TLE2: variants seen among roughly 807,000 people sequenced by gnomAD.
The protein encoded by TLE2 is transducin-like enhancer protein 2.
In TLE2, 74 loss-of-function variants were observed where a neutral mutation model predicts 97.2. The observed-to-expected ratio is 0.76, with a 90% CI of 0.63 to 0.92. TLE2 has a LOEUF of 0.92. TLE2 is among the 40% of genes least tolerant of loss of function. The pLI is 0.00. For missense variants in TLE2, 1,038 were observed against 1,008.7 expected (o/e 1.03, Z -0.39); for synonymous variants, 499 against 432.1 (o/e 1.15, Z -1.92).
upstream of TLE2, among the ~76,000 whole-genome samples, chr19:3,046,931 T>TCCCCCTCCTCC (rs1247386481): frequency 1.6e-3 from 115 of 71,422 alleles, no homozygotes; most frequent in Admixed American, 5.1e-3. Flanking sequence ...CCCCCTCCTC[T>TCCCCCTCCTCC]GCCTCCCCCT....
At chr19:3,022,737 G>A (rs2089869139) in intron 5 of TLE2, among the ~76,000 whole-genome samples, 1 of 152,092 alleles carries the variant, frequency 6.6e-6, no homozygotes, top group African/African-American at 2.4e-5. Flanking sequence ...GGAGGTATCA[G>A]GATGCGGATA....
Position 3,028,875 on chromosome 19 carries a change from A to C in TLE2, c.24+6T>G. 6.2e-7 allele frequency: 1 copy of C among 1,610,830 alleles called. No individual in the cohort carries two copies. The highest frequency in any genetic ancestry group is 8.5e-7 in the Non-Finnish European group (1 of 1,179,598). ...TGGGGGCCCCCTCCCCGCAGTCCGC[A>C]CTCACCGGGTGCCTTCCCTGGGGGT... On this transcript the variant is annotated splice_donor_region_variant and intron_variant, in intron 1 of 19. Coordinates refer to ENST00000262953, the MANE Select transcript of TLE2 (RefSeq NM_003260.5).
In TLE2 at chr19:3,005,485, C is replaced by G; in HGVS notation, c.1848G>C (p.Trp616Cys). Reference sequence around the variant, plus strand: ...GCAGCTGGCGGCCCTCCCGCAGGTCCCAGCAGCGCACCGTGTTGTCCAGGC... The same window carrying G: ...GCAGCTGGCGGCCCTCCCGCAGGTCGCAGCAGCGCACCGTGTTGTCCAGGC... ...TGGLDNTVRC[W>C]DLREGRQLQQ... is the part of the protein sequence containing the mutation. Residue 616 changes from tryptophan (W) to cysteine (C), a missense_variant, in exon 17 of 20, where the codon TGG (tryptophan) becomes TGC (cysteine). Coordinates refer to ENST00000262953, the MANE Select transcript of TLE2 (RefSeq NM_003260.5). The G allele has an allele frequency of 1.2e-6, 2 of 1,613,840 alleles. No homozygotes were observed. The highest frequency in any genetic ancestry group is 1.7e-6 in the Non-Finnish European group (2 of 1,179,804).
At position 3,005,905 on chromosome 19, in the gene TLE2, C is replaced by T. The variant is rs768649883; in HGVS notation, c.1564G>A (p.Gly522Ser). Residue 522 changes from glycine to serine, a missense_variant, in exon 16 of 20, where the codon GGT becomes AGT. Physicochemically the swap from Gly to Ser is moderately conservative, Grantham distance 56. Coordinates refer to ENST00000262953, the MANE Select transcript of TLE2 (RefSeq NM_003260.5). ...LPDGRSLIVG[G>S]EASTLSIWDL... ...CAAATGGACAAGGTGCTGGCCTCAC[C>T]GCCCACGATCAGACTCCGGCCATCC... The T allele has an allele frequency of 2.0e-5, 32 of 1,613,372 alleles. No homozygotes were observed. The Admixed American group carries it at 2.0e-4, about 10-fold the overall frequency.
At position 3,013,736 on chromosome 19, in the gene TLE2, A is replaced by G. The variant is rs765038263; in HGVS notation, c.806T>C (p.Val269Ala). The G allele has an allele frequency of 6.4e-7, 1 of 1,562,446 alleles. No individual in the cohort carries two copies. Among genetic ancestry groups the G allele is most frequent in the Admixed American group, 1.9e-5 (1 of 52,972 alleles). Reference sequence around the variant, plus strand: ...AGAGGCCAAGGAGGCTGGACTGTCCACCAGGTCCCGACGGGCAGGAATGCA... The same window carrying G: ...AGAGGCCAAGGAGGCTGGACTGTCCGCCAGGTCCCGACGGGCAGGAATGCA... ...PICIPARRDL[V>A]DSPASLASSL... is the part of the protein sequence containing the mutation. The change falls in exon 11 of 20, where the codon GTG (valine) becomes GCG (alanine). Residue 269 changes from valine (V) to alanine (A), a missense_variant. Coordinates refer to ENST00000262953, the MANE Select transcript of TLE2 (RefSeq NM_003260.5).
chr19:3,014,466 G>A, intron 10 of TLE2, 104 bp downstream of exon 10: 10 of 1,140,350 alleles, frequency 8.8e-6, no homozygotes, highest in Non-Finnish European at 1.2e-5. Flanking sequence ...GTCCCACAGA[G>A]CGGGGAACCA....
intron 15 of TLE2, 145 bp from the exon 16 acceptor site, chr19:3,006,113 C>G (rs368808722): frequency 9.2e-7 from 1 of 1,086,522 alleles, no homozygotes; most frequent in Non-Finnish European, 1.4e-6. Flanking sequence ...TGGTGAGCCC[C>G]GCCCCTTTGA....
At chr19:3,025,923 T>C (rs2089935616) in intron 4 of TLE2, among the ~76,000 whole-genome samples, 1 of 152,164 alleles carries the variant, frequency 6.6e-6, no homozygotes, top group Middle Eastern at 3.4e-3. Context: ...CAGGAAAGCA[T>C]GCCAGGGTGG....
At chr19:3,008,608 G>A (rs371848406) in intron 14 of TLE2, among the ~76,000 whole-genome samples, 2 of 152,054 alleles carry the variant, frequency 1.3e-5, no homozygotes, top group African/African-American at 2.4e-5. Context: ...CCGCCACCAC[G>A]TCCGGCTAAT....
At chr19:3,040,434 G>A (rs886431909) in intron 1 of TLE2, among the ~76,000 whole-genome samples, 3 of 151,024 alleles carry the variant, frequency 2.0e-5, no homozygotes, top group East Asian at 2.0e-4. Context: ...TCCACCTCCC[G>A]GGTTCAAGTG....
chr19:3,020,623 C>T (rs1273294651), intron 5 of TLE2: 1 of 152,164 alleles, frequency 6.6e-6, no homozygotes, highest in Non-Finnish European at 1.5e-5. Flanking sequence ...CTACGATCGC[C>T]TTCCTAAACC....
chr19:3,037,376 T>C (rs1013002000), intron 1 of TLE2, among the ~76,000 whole-genome samples: 2 of 152,246 alleles, frequency 1.3e-5, no homozygotes, highest in Non-Finnish European at 2.9e-5. Flanking sequence ...GTTGCCTCAT[T>C]TGAGCAGTGC....
At chr19:3,030,752 C>CAA (rs376304630), upstream of TLE2, among the ~76,000 whole-genome samples, 5 of 151,788 alleles carry the variant, frequency 3.3e-5, no homozygotes, top group Admixed American at 2.0e-4. Flanking sequence ...CGCGACAATA[C>CAA]AAAAAAACAT....
chr19:3,015,667 G>T lies in TLE2; in HGVS notation c.664C>A (p.Pro222Thr). The T allele has an allele frequency of 6.2e-7, 1 of 1,608,986 alleles. No individual in the cohort carries two copies. The highest frequency in any genetic ancestry group is 2.2e-5 in the East Asian group (1 of 44,712). The change falls in exon 9 of 20, where the codon CCA (proline) becomes ACA (threonine). Residue 222 changes from proline to threonine, a missense_variant. Coordinates refer to ENST00000262953, the MANE Select transcript of TLE2 (RefSeq NM_003260.5). ...CCCCCACTCACATAAGGTCCTGATG[G>T]CTCCTTCTCATCTGCTCTCTGCTTC... ...GGKQRADEKE[P>T]SGPYESDEDK...
At chr19:3,045,332 A>G (rs1251940420) in intron 1 of TLE2, among the ~76,000 whole-genome samples, 2 of 152,210 alleles carry the variant, frequency 1.3e-5, no homozygotes, top group African/African-American at 4.8e-5. Context: ...GAACACCTTC[A>G]GCCACAGGGA....
chr19:3,001,681 C>T (rs1452501068), intron 18 of TLE2, among the ~76,000 whole-genome samples: 1 of 151,822 alleles, frequency 6.6e-6, no homozygotes, highest in Non-Finnish European at 1.5e-5. Flanking sequence ...TGCTATGTTG[C>T]CCAGGCTGGT....
At position 3,015,380 on chromosome 19, in the gene TLE2, T is replaced by A. The variant is rs1325226104; in HGVS notation, c.678+273A>T. On this transcript the variant is annotated intron_variant, in intron 9 of 19. Transcript: ENST00000262953. Reference sequence around the variant, plus strand: ...GATAGAAAAATGGGTTTCTAAAACATGTGTGTTCTAGGGAAAGAAAACAGC... The same window carrying A: ...GATAGAAAAATGGGTTTCTAAAACAAGTGTGTTCTAGGGAAAGAAAACAGC... Among the ~76,000 whole-genome samples, 3 of 151,990 alleles carry A rather than the reference T, an allele frequency of 2.0e-5. No homozygotes were observed. In the East Asian group the frequency reaches 5.8e-4, roughly 29 times the overall value.
upstream of TLE2, among the ~76,000 whole-genome samples, chr19:3,046,131 C>G (rs2090139539): frequency 6.6e-6 from 1 of 152,214 alleles, no homozygotes; most frequent in South Asian, 2.1e-4. Context: ...GGAGACTCAG[C>G]TACAGCCCTG....
At chr19:3,009,906 G>C (rs1720343027) in intron 12 of TLE2, among the ~76,000 whole-genome samples, 1 of 114,652 alleles carries the variant, frequency 8.7e-6, no homozygotes, top group South Asian at 2.8e-4. Flanking sequence ...TTTTGTTTGA[G>C]ATGGAATCTT....
Sources: gnomAD v4.1 joint callset for allele counts (sites outside exome capture counted in the v4.1 genomes callset) on GRCh38, gnomAD v4.1.1 for gene constraint, MANE v1.5 for transcripts, NCBI Gene and HGNC (gene_info 2026-07-23, HGNC 2026-07-21) for gene names.